CNTN6: variants seen among roughly 807,000 people sequenced by gnomAD.
CNTN6 encodes the protein contactin-6.
In CNTN6, 137 loss-of-function variants were observed where a neutral mutation model predicts 122.8. The observed-to-expected ratio is 1.12, with a 90% CI of 0.97 to 1.29. CNTN6 has a LOEUF of 1.29. CNTN6 is among the 50% of genes most tolerant of loss of function. The probability of loss-of-function intolerance (pLI) is 0.00; values close to 1 mark genes in which losing one functional copy is unlikely to be tolerated. For missense variants in CNTN6, 1,634 were observed against 1,223.4 expected (o/e 1.34, Z -5.01); for synonymous variants, 570 against 426.0 (o/e 1.34, Z -4.16).
chr3:1,216,847 A>G (rs2094136962), intron 2 of CNTN6, among the ~76,000 whole-genome samples: 1 of 152,212 alleles, frequency 6.6e-6, no homozygotes, highest in Admixed American at 6.5e-5. Context: ...TGGTGAAAAC[A>G]ATGGAGAGGG....
At chr3:1,143,776 A>G (rs943486850) in intron 1 of CNTN6, among the ~76,000 whole-genome samples, 3 of 152,226 alleles carry the variant, frequency 2.0e-5, no homozygotes, top group African/African-American at 7.2e-5. Flanking sequence ...CTTTGGCCTC[A>G]TTATAGTATG....
chr3:1,292,233 G>C (rs1256819368), intron 5 of CNTN6, among the ~76,000 whole-genome samples: 1 of 151,976 alleles, frequency 6.6e-6, no homozygotes, highest in Non-Finnish European at 1.5e-5. Flanking sequence ...TGATAGAGAG[G>C]GTTTTATTTA....
At chr3:1,095,436 C>A (rs1042780313) in intron 1 of CNTN6, among the ~76,000 whole-genome samples, 18 of 152,134 alleles carry the variant, frequency 1.2e-4, no homozygotes, top group South Asian at 4.2e-4. Flanking sequence ...GCGCCATTGC[C>A]CTCCAGCCTG....
chr3:1,327,362 C>G, intron 9 of CNTN6, 95 bp from the exon 10 acceptor site: 1 of 1,295,278 alleles, frequency 7.7e-7, no homozygotes, highest in South Asian at 1.3e-5. Flanking sequence ...TATCAGATCT[C>G]ATAGATATAC....
intron 7 of CNTN6, among the ~76,000 whole-genome samples, chr3:1,307,234 G>A (rs938878859): frequency 2.6e-5 from 4 of 152,094 alleles, no homozygotes; most frequent in African/African-American, 9.7e-5. Context: ...GAGCTTTACT[G>A]ATTATCTTTT....
intron 10 of CNTN6, among the ~76,000 whole-genome samples, chr3:1,329,403 A>G (rs1259906535): frequency 6.6e-6 from 1 of 151,674 alleles, no homozygotes; most frequent in African/African-American, 2.4e-5. Context: ...ATGCTATTAG[A>G]AAAGTGACTT....
intron 9 of CNTN6, among the ~76,000 whole-genome samples, chr3:1,327,156 C>T (rs265777): frequency 0.087 from 13,176 of 151,826 alleles, 633 homozygotes; most frequent in Non-Finnish European, 0.1. Flanking sequence ...ATAATTAGGA[C>T]GGTGGAGTAT....
intron 12 of CNTN6, among the ~76,000 whole-genome samples, chr3:1,354,794 T>A (rs1410325819): frequency 2.0e-5 from 3 of 151,518 alleles, no homozygotes; most frequent in Non-Finnish European, 4.4e-5. Context: ...TCTGAGCTTC[T>A]TAGGACACTT....
intron 7 of CNTN6, among the ~76,000 whole-genome samples, chr3:1,300,230 C>T (rs1204813881): frequency 6.6e-6 from 1 of 152,124 alleles, no homozygotes; most frequent in African/African-American, 2.4e-5. Context: ...TCGTGATCCG[C>T]CCGACTCAGC....
chr3:1,373,893 C>T, intron 15 of CNTN6, 31 bp from the exon 16 acceptor site: 1 of 1,591,760 alleles, frequency 6.3e-7, no homozygotes, highest in East Asian at 2.3e-5. Flanking sequence ...GTAGTCCCAA[C>T]CTAGGTGCCT....
At chr3:1,385,450 T>C (rs1038921624) in intron 19 of CNTN6, among the ~76,000 whole-genome samples, 161 bp from the exon 20 acceptor site, 1 of 152,216 alleles carries the variant, frequency 6.6e-6, no homozygotes, top group African/African-American at 2.4e-5. Flanking sequence ...AGAATAACAA[T>C]TTTGTTGTTG....
At chr3:1,363,855 G>C (rs1385435339) in intron 12 of CNTN6, among the ~76,000 whole-genome samples, 1 of 151,808 alleles carries the variant, frequency 6.6e-6, no homozygotes, top group African/African-American at 2.4e-5. Context: ...CATAATAGCT[G>C]TACCAATAAA....
intron 3 of CNTN6, among the ~76,000 whole-genome samples, chr3:1,224,201 T>C (rs1422335155): frequency 6.6e-6 from 1 of 152,050 alleles, no homozygotes; most frequent in East Asian, 1.9e-4. Context: ...CTAAAAAAAG[T>C]TGATTTCATA....
At chr3:1,394,205 C>T in intron 20 of CNTN6, 1 of 231,802 alleles carries the variant, frequency 4.3e-6, no homozygotes, top group Non-Finnish European at 8.6e-6. Context: ...CCGTCTGCCT[C>T]ATCTCCGGAA....
At chr3:1,361,812 C>G (rs750336386) in intron 12 of CNTN6, among the ~76,000 whole-genome samples, 1 of 152,032 alleles carries the variant, frequency 6.6e-6, no homozygotes, top group East Asian at 1.9e-4. Flanking sequence ...GTGTTTGCAA[C>G]ATGAGGTGCA....
chr3:1,307,721 C>G (rs1272183494), intron 7 of CNTN6, among the ~76,000 whole-genome samples: 1 of 152,176 alleles, frequency 6.6e-6, no homozygotes, highest in East Asian at 1.9e-4. Flanking sequence ...ATGTCCCTGA[C>G]AGTTTTGAGG....
intron 12 of CNTN6, among the ~76,000 whole-genome samples, chr3:1,364,362 G>C (rs969984284): frequency 6.6e-6 from 1 of 151,806 alleles, no homozygotes; most frequent in African/African-American, 2.4e-5. Context: ...TAAAGGAAGA[G>C]CCCCATGTTT....
intron 4 of CNTN6, among the ~76,000 whole-genome samples, chr3:1,247,716 G>A (rs1412363818): frequency 6.6e-6 from 1 of 152,204 alleles, no homozygotes; most frequent in Non-Finnish European, 1.5e-5. Context: ...ATCAAGAGCA[G>A]TGGGTGATTC....
At chr3:1,231,046 C>A (rs908069369) in intron 4 of CNTN6, among the ~76,000 whole-genome samples, 1 of 152,170 alleles carries the variant, frequency 6.6e-6, no homozygotes, top group Non-Finnish European at 1.5e-5. Flanking sequence ...AGGCTGAAAC[C>A]AGACAACAGC....
Sources: allele counts gnomAD v4.1 joint callset (sites outside exome capture counted in the v4.1 genomes callset), GRCh38; gene constraint gnomAD v4.1.1; transcripts MANE v1.5; gene names NCBI Gene and HGNC (gene_info 2026-07-23, HGNC 2026-07-21).